Variants in PCP4 observed in about 807,000 individuals in gnomAD.
PCP4 encodes the protein Purkinje cell protein 4.
In PCP4, 8 loss-of-function variants were observed where a neutral mutation model predicts 10.0. The ratio of observed to expected loss-of-function variants is 0.80; its 90% CI spans 0.47 to 1.45. The LOEUF is 1.45. PCP4 is among the 40% of genes most tolerant of loss of function. The pLI is 0.00. For missense variants in PCP4, 54 were observed against 74.4 expected (o/e 0.73, Z 1.01); for synonymous variants, 21 against 23.0 (o/e 0.91, Z 0.24).
At chr21:39,905,735 C>T (rs1043179111) in intron 2 of PCP4, among the ~76,000 whole-genome samples, 22 of 152,188 alleles carry the variant, frequency 1.4e-4, no homozygotes, top group Non-Finnish European at 2.4e-4. Flanking sequence ...CAATTCTTTA[C>T]ATCTATAGGC....
chr21:39,925,252 G>A (rs2087615058), intron 2 of PCP4, among the ~76,000 whole-genome samples: 1 of 152,148 alleles, frequency 6.6e-6, no homozygotes. Context: ...GGCCCCTTGA[G>A]GCCCTCCTCC....
At chr21:39,912,921 G>A (rs2087548012) in intron 2 of PCP4, among the ~76,000 whole-genome samples, 1 of 152,036 alleles carries the variant, frequency 6.6e-6, no homozygotes, top group Non-Finnish European at 1.5e-5. Flanking sequence ...GCGCAGGCTG[G>A]TCTCAAACTC....
chr21:39,924,191 C>T (rs1286919708), intron 2 of PCP4, among the ~76,000 whole-genome samples: 1 of 152,224 alleles, frequency 6.6e-6, no homozygotes, highest in Admixed American at 6.5e-5. Flanking sequence ...ACGTCCCCTT[C>T]ACTGGCCTTT....
intron 2 of PCP4, among the ~76,000 whole-genome samples, chr21:39,925,520 G>A (rs577229703): frequency 2.0e-5 from 3 of 152,338 alleles, no homozygotes; most frequent in Non-Finnish European, 2.9e-5. Context: ...ACGCTCTAGC[G>A]TAGAAGACCG....
chr21:39,924,068 C>T (rs73904626), intron 2 of PCP4, among the ~76,000 whole-genome samples: 279 of 152,278 alleles, frequency 1.8e-3, no homozygotes, highest in African/African-American at 5.7e-3. Context: ...GCCATGCGGG[C>T]GGCCATGATG....
chr21:39,918,690 C>T (rs2087580636), intron 2 of PCP4, among the ~76,000 whole-genome samples: 1 of 152,178 alleles, frequency 6.6e-6, no homozygotes, highest in African/African-American at 2.4e-5. Flanking sequence ...TTAATCTCTG[C>T]CTCTTAGCAC....
intron 2 of PCP4, among the ~76,000 whole-genome samples, chr21:39,903,438 T>C (rs932623655): frequency 3.6e-4 from 55 of 152,294 alleles, no homozygotes; most frequent in African/African-American, 1.3e-3. Flanking sequence ...CTCACTGTCG[T>C]TGTGTTTCTT....
intron 1 of PCP4, among the ~76,000 whole-genome samples, chr21:39,894,918 C>T (rs768278823): frequency 2.1e-4 from 32 of 152,250 alleles, no homozygotes; most frequent in Non-Finnish European, 4.4e-4. Context: ...ACTTCTGTCA[C>T]GTCATGAAAA....
chr21:39,900,176 A>G (rs2087476194), intron 2 of PCP4, among the ~76,000 whole-genome samples: 1 of 152,056 alleles, frequency 6.6e-6, no homozygotes, highest in Non-Finnish European at 1.5e-5. Context: ...CTGGGATTAC[A>G]GGCACCCACC....
intron 1 of PCP4, among the ~76,000 whole-genome samples, chr21:39,880,176 CTATATCTA>C (rs1220648481): frequency 7.1e-6 from 1 of 141,574 alleles, no homozygotes; most frequent in Non-Finnish European, 1.5e-5. Flanking sequence ...ATATCTATAT[CTATATCTA>C]TATCTATCTA....
At chr21:39,894,915 T>C (rs1016930301) in intron 1 of PCP4, among the ~76,000 whole-genome samples, 1 of 152,188 alleles carries the variant, frequency 6.6e-6, no homozygotes, top group South Asian at 2.1e-4. Flanking sequence ...CTAACTTCTG[T>C]CACGTCATGA....
chr21:39,888,619 C>G (rs192057176), intron 1 of PCP4, among the ~76,000 whole-genome samples: 2 of 152,166 alleles, frequency 1.3e-5, no homozygotes, highest in Non-Finnish European at 2.9e-5. Context: ...TTAGGGGACT[C>G]CCCCGCTGCC....
chr21:39,913,820 G>T (rs1475844612), intron 2 of PCP4, among the ~76,000 whole-genome samples: 1 of 152,166 alleles, frequency 6.6e-6, no homozygotes, highest in African/African-American at 2.4e-5. Context: ...CCCGTCTACC[G>T]AATAGTCTTG....
At chr21:39,872,198 C>T (rs1445777530) in intron 1 of PCP4, among the ~76,000 whole-genome samples, 1 of 152,152 alleles carries the variant, frequency 6.6e-6, no homozygotes, top group East Asian at 1.9e-4. Context: ...AGGGCTTCAC[C>T]ATATTGGTCT....
chr21:39,873,393 A>G (rs1339151058), intron 1 of PCP4, among the ~76,000 whole-genome samples: 2 of 152,204 alleles, frequency 1.3e-5, no homozygotes, highest in Admixed American at 6.5e-5. Flanking sequence ...TTAATTCTTA[A>G]TAGCATACTC....
At chr21:39,873,701 G>A (rs1420119740) in intron 1 of PCP4, among the ~76,000 whole-genome samples, 1 of 152,150 alleles carries the variant, frequency 6.6e-6, no homozygotes, top group Non-Finnish European at 1.5e-5. Flanking sequence ...TGGCACAAGG[G>A]CCTTTGGGGT....
intron 1 of PCP4, among the ~76,000 whole-genome samples, chr21:39,884,042 AC>A (rs1680408221): frequency 6.6e-6 from 1 of 152,160 alleles, no homozygotes; most frequent in African/African-American, 2.4e-5. Context: ...GCTGCTGGGG[AC>A]CAGGGCTGGG....
Position 39,908,313 on chromosome 21 carries a change from C to T in PCP4, c.61+9786C>T, listed in dbSNP as rs954314396. Among the ~76,000 whole-genome samples, 4 of 152,254 alleles carry T rather than the reference C, an allele frequency of 2.6e-5. No individual in the cohort carries two copies. The East Asian group carries it at 5.8e-4, about 22-fold the overall frequency. ...TTCCCCACAGTCGGTGTAAGCCCCT[C>T]ATCCCTCCTCAGGTGTCATTAAGGG... is the stretch of plus-strand genomic sequence containing the variant. On this transcript the variant is annotated intron_variant, in intron 2 of 2. Transcript: ENST00000328619.
intron 1 of PCP4, among the ~76,000 whole-genome samples, chr21:39,897,199 C>G (rs1267089274): frequency 1.3e-5 from 2 of 151,914 alleles, no homozygotes; most frequent in African/African-American, 4.8e-5. Context: ...ACCAGCCTGG[C>G]CAACATGGTG....
Sources: gnomAD v4.1 joint callset for allele counts (sites outside exome capture counted in the v4.1 genomes callset) on GRCh38, gnomAD v4.1.1 for gene constraint, MANE v1.5 for transcripts, NCBI Gene and HGNC (gene_info 2026-07-23, HGNC 2026-07-21) for gene names.